MAP4: variants seen among roughly 807,000 people sequenced by gnomAD.
The protein encoded by MAP4 is microtubule associated protein 4, also known as microtubule-associated protein 4.
Under a neutral mutation model 170.2 loss-of-function variants are expected in MAP4, and 76 were observed. The ratio of observed to expected loss-of-function variants is 0.45; its 90% CI spans 0.37 to 0.54. MAP4 has a LOEUF of 0.54. MAP4 is among the 20% of genes least tolerant of loss of function. The pLI is 0.00. For synonymous variants in MAP4, 909 were observed against 994.5 expected (o/e 0.91, Z 1.62); for missense variants, 2,506 against 2,748.0 (o/e 0.91, Z 1.97).
rs772185362 is a variant in MAP4 at position 47,909,318 on chromosome 3, G to A, written c.5103C>T (p.Val1701=). Residue 1701 remains valine (V), a synonymous_variant, in exon 9 of 21, where the codon GTC becomes GTT. Transcript: ENST00000683076. The stretch of plus-strand genomic sequence containing the variant: ...CCGCCACCTCTGAAGGAGGAGCTTC[G>A]ACTTTGCTATGTAAGAAATCTGACT... ...EIQSDFLHSK[V]EAPPSEVADT... The A allele has an allele frequency of 1.6e-5, 26 of 1,613,754 alleles. No homozygotes were observed. Among genetic ancestry groups the A allele is most frequent in the Non-Finnish European group, 2.1e-5 (25 of 1,179,856 alleles).
chr3:47,888,246 G>A (rs751639993), intron 10 of MAP4, among the ~76,000 whole-genome samples: 2 of 152,170 alleles, frequency 1.3e-5, no homozygotes, highest in Non-Finnish European at 2.9e-5. Context: ...GCCCAGATAA[G>A]AGAATAAAAG....
intron 1 of MAP4, among the ~76,000 whole-genome samples, chr3:48,076,457 G>A (rs535040123): frequency 4.2e-4 from 63 of 149,802 alleles, no homozygotes; most frequent in African/African-American, 1.4e-3. Flanking sequence ...AGCAGAGATC[G>A]CACCACTGCA....
In MAP4 at chr3:47,910,380, A is replaced by G; in HGVS notation, c.4041T>C (p.Asp1347=). The G allele has an allele frequency of 1.3e-6, 2 of 1,537,336 alleles. No individual in the cohort carries two copies. The highest frequency in any genetic ancestry group is 1.7e-6 in the Non-Finnish European group (2 of 1,147,002). ...PSVVSEENKT[D]AANRYTAVAD... ...CCACTGCAGTGTATCTATTGGCTGC[A>G]TCTGTCTTATTCTCCTCAGATACTA... The change falls in exon 9 of 21, where the codon GAT becomes GAC. Residue 1347 remains aspartate, a synonymous_variant. Coordinates refer to ENST00000683076, the MANE Select transcript of MAP4 (RefSeq NM_001385682.1).
chr3:47,921,960 T>G, intron 4 of MAP4, 82 bp from the exon 5 acceptor site: 1 of 736,262 alleles, frequency 1.4e-6, no homozygotes, highest in South Asian at 1.6e-5. Context: ...TTTCTTTTTT[T>G]TTTTTGAGGT....
At chr3:47,884,189 C>T (rs900766666) in intron 10 of MAP4, among the ~76,000 whole-genome samples, 2 of 152,086 alleles carry the variant, frequency 1.3e-5, no homozygotes, top group Non-Finnish European at 2.9e-5. Context: ...ACCATTTTTT[C>T]GTCTGTTGTT....
At position 47,911,778 on chromosome 3, in the gene MAP4, G is replaced by C; in HGVS notation, c.2643C>G (p.Ser881Arg). 1 of 1,536,064 alleles carries C rather than the reference G, an allele frequency of 6.5e-7. No homozygotes were observed. Residue 881 changes from serine to arginine, a missense_variant, in exon 9 of 21, where the codon AGC becomes AGG. Ser to Arg is a moderately radical substitution (Grantham distance 110). This residue lies in a region of MAP4 where 2,008 missense variants were observed against 2,206.0 expected (regional missense o/e 0.91). Transcript: ENST00000683076. The surrounding 1 kb of genome is among the most constrained non-coding windows in gnomAD (Gnocchi z 4.0). ...TTTGTAGTACTGACTTGTTACTTTT[G>C]CTCTCTTCCTCTACTCTCAGCTTAG... Reference protein sequence around the residue: ...SQSKLRVEEESKSNKSVLQNQ... With the variant: ...SQSKLRVEEERKSNKSVLQNQ...
chr3:47,987,916 C>T (rs543663884), intron 2 of MAP4, among the ~76,000 whole-genome samples: 8 of 151,950 alleles, frequency 5.3e-5, no homozygotes, highest in Non-Finnish European at 8.8e-5. Context: ...GAAGGCAGGC[C>T]GGGCACGGTG....
chr3:47,892,159 T>C, intron 10 of MAP4: 2 of 1,536,258 alleles, frequency 1.3e-6, no homozygotes, highest in Non-Finnish European at 1.7e-6. Flanking sequence ...GGCAGGTCTC[T>C]GAAATCACAT....
intron 1 of MAP4, among the ~76,000 whole-genome samples, chr3:48,057,714 G>A (rs1052041378): frequency 1.1e-4 from 17 of 150,070 alleles, no homozygotes; most frequent in Non-Finnish European, 2.4e-4. Context: ...GCAAACTGCC[G>A]AACTATTTTT....
intron 1 of MAP4, among the ~76,000 whole-genome samples, chr3:48,080,300 G>A (rs989085247): frequency 6.6e-6 from 1 of 152,186 alleles, no homozygotes; most frequent in Non-Finnish European, 1.5e-5. Flanking sequence ...GAGAACTGGA[G>A]GAATCACCTA....
At chr3:47,896,076 C>T (rs2100026668) in intron 10 of MAP4, among the ~76,000 whole-genome samples, 1 of 152,122 alleles carries the variant, frequency 6.6e-6, no homozygotes. Context: ...TCATGTCAGC[C>T]AGGTGCTCAG....
At chr3:48,035,630 T>A (rs1026013906) in intron 1 of MAP4, among the ~76,000 whole-genome samples, 2 of 151,256 alleles carry the variant, frequency 1.3e-5, no homozygotes, top group African/African-American at 4.9e-5. Flanking sequence ...CCTGTCTCAA[T>A]AGACTAAAAA....
chr3:47,860,188 C>T (rs950175413), intron 17 of MAP4, among the ~76,000 whole-genome samples: 2 of 152,324 alleles, frequency 1.3e-5, no homozygotes, highest in African/African-American at 4.8e-5. Context: ...AGGGCCCTCA[C>T]CAAGATGTAG....
intron 10 of MAP4, among the ~76,000 whole-genome samples, chr3:47,899,667 G>A (rs1263917030): frequency 6.6e-6 from 1 of 152,168 alleles, no homozygotes; most frequent in Non-Finnish European, 1.5e-5. Context: ...CAGTAAATAA[G>A]CTTTCAAAAA....
intron 4 of MAP4, among the ~76,000 whole-genome samples, chr3:47,922,528 A>C (rs1456966428): frequency 6.6e-6 from 1 of 151,580 alleles, no homozygotes; most frequent in Non-Finnish European, 1.5e-5. Flanking sequence ...CATTCATTTT[A>C]AGTTACTTTT....
intron 10 of MAP4, among the ~76,000 whole-genome samples, chr3:47,895,022 A>C (rs76259305): frequency 8.7e-6 from 1 of 114,546 alleles, no homozygotes; most frequent in Admixed American, 8.1e-5. Flanking sequence ...AACCCTGTCC[A>C]AAAAAAAAAA....
At position 47,923,623 on chromosome 3, in the gene MAP4, T is replaced by TA. The variant is rs540228735; in HGVS notation, c.416-1746dup. ...CAAAAAACACAGCCTGCTTTTTGTT[T>TA]AAAAAAAAAAAAAACAAACCCTTAT... On this transcript the variant is annotated intron_variant, in intron 4 of 20. Transcript: ENST00000683076. Among the ~76,000 whole-genome samples the TA allele has an allele frequency of 7.6e-3, 961 of 126,644 alleles. 6 individuals are homozygous for TA. Among genetic ancestry groups the TA allele is most frequent in the Middle Eastern group, 0.02 (5 of 248 alleles). The allele number at this position is 126,644 out of a possible 152,430, so 83.1% of individuals were successfully genotyped here.
chr3:47,993,070 C>G (rs754038539), intron 2 of MAP4, among the ~76,000 whole-genome samples: 1 of 152,108 alleles, frequency 6.6e-6, no homozygotes, highest in Non-Finnish European at 1.5e-5. Context: ...TATGGTGAAG[C>G]TTGGATGAAA....
intron 1 of MAP4, among the ~76,000 whole-genome samples, chr3:48,052,868 G>A (rs1288684812): frequency 3.3e-5 from 5 of 152,114 alleles, no homozygotes; most frequent in Non-Finnish European, 7.4e-5. Flanking sequence ...TAACTGCTTG[G>A]AAAAATATGG....
Sources: allele counts gnomAD v4.1 joint callset (sites outside exome capture counted in the v4.1 genomes callset), GRCh38; gene constraint gnomAD v4.1.1; regional missense constraint gnomAD v4.1.1; non-coding constraint Gnocchi (gnomAD v3.1); transcripts MANE v1.5; gene names NCBI Gene and HGNC (gene_info 2026-07-23, HGNC 2026-07-21).